The following AHRR variants were observed in gnomAD, a reference collection of about 807,000 sequenced individuals.
AHRR encodes the protein ahR repressor.
In AHRR, 28 loss-of-function variants were observed where a neutral mutation model predicts 44.0. The ratio of observed to expected loss-of-function variants is 0.64; its 90% CI spans 0.47 to 0.87. The LOEUF is 0.87. AHRR is among the 40% of genes least tolerant of loss of function. The pLI, the probability that AHRR is intolerant of heterozygous loss-of-function variation, is 0.00. For missense variants in AHRR, 990 were observed against 953.9 expected (o/e 1.04, Z -0.50); for synonymous variants, 434 against 407.0 (o/e 1.07, Z -0.80).
intron 4 of AHRR, among the ~76,000 whole-genome samples, chr5:390,818 A>G (rs944367700): frequency 4.0e-4 from 61 of 152,200 alleles, no homozygotes; most frequent in Admixed American, 4.0e-3. Context: ...ATCCAGAGAC[A>G]GAGACCTGGA....
At chr5:374,703 C>T (rs1456920024) in intron 3 of AHRR, among the ~76,000 whole-genome samples, 1 of 152,264 alleles carries the variant, frequency 6.6e-6, no homozygotes, top group Non-Finnish European at 1.5e-5. Context: ...GTGCCACCGT[C>T]TCCGGGCTTC....
At position 432,906 on chromosome 5, in the gene AHRR, G is replaced by C. The variant is rs771991006; in HGVS notation, c.1071G>C (p.Arg357=). Residue 357 remains arginine, a synonymous_variant, in exon 10 of 11, where the codon CGG becomes CGC. Transcript: ENST00000684583. ...VPARAPCLCL[R]GGPDLVLDPK... ...CCAGGGCCCCATGCCTGTGCCTCCGGGGTGGCCCTGACCTTGTCCTTGACC... is the reference window on the plus strand; with the variant it reads ...CCAGGGCCCCATGCCTGTGCCTCCGCGGTGGCCCTGACCTTGTCCTTGACC... The C allele has an allele frequency of 1.2e-6, 2 of 1,613,330 alleles. No individual in the cohort carries two copies. Among genetic ancestry groups the C allele is most frequent in the Admixed American group, 3.3e-5 (2 of 59,990 alleles).
chr5:343,828 G>A (rs1388366197), intron 1 of AHRR, 65 bp from the exon 2 acceptor site: 14 of 1,516,372 alleles, frequency 9.2e-6, no homozygotes, highest in Non-Finnish European at 1.2e-5. Context: ...GGGGCCCGGG[G>A]CATCGCGGCG....
At chr5:415,859 G>A (rs900676781) in intron 5 of AHRR, among the ~76,000 whole-genome samples, 3 of 152,196 alleles carry the variant, frequency 2.0e-5, no homozygotes, top group Admixed American at 6.5e-5. Context: ...TTCCATAAGA[G>A]CTGGGCTTTT....
chr5:364,857 A>G (rs1743302935), intron 3 of AHRR, among the ~76,000 whole-genome samples: 2 of 152,208 alleles, frequency 1.3e-5, no homozygotes, highest in African/African-American at 2.4e-5. Context: ...ATATTAATGT[A>G]AAAAAATTGA....
chr5:433,049 G>A, intron 10 of AHRR, 102 bp downstream of exon 10: 1 of 1,331,136 alleles, frequency 7.5e-7, no homozygotes, highest in Non-Finnish European at 1.0e-6. Flanking sequence ...AAATAAAAAA[G>A]ACGACAGCAG....
intron 8 of AHRR, among the ~76,000 whole-genome samples, chr5:428,960 A>G (rs1736594042): frequency 6.6e-6 from 1 of 152,204 alleles, no homozygotes; most frequent in African/African-American, 2.4e-5. Context: ...GGCTGTAAAT[A>G]TAGATGAAGC....
At chr5:343,789 C>T (rs1742455559) in intron 1 of AHRR, 104 bp from the exon 2 acceptor site, 2 of 1,201,316 alleles carry the variant, frequency 1.7e-6, no homozygotes, top group South Asian at 1.4e-5. Flanking sequence ...CGCGGGGTCG[C>T]GGGTGTGGGG....
rs1042685314 is a variant in AHRR, at chr5:342,073, A to T, written c.-10-1820A>T. Among the ~76,000 whole-genome samples the T allele has an allele frequency of 6.2e-5, 9 of 144,792 alleles. No homozygotes were observed. Among genetic ancestry groups the T allele is most frequent in the Admixed American group, 2.8e-4 (4 of 14,538 alleles). The allele number at this position is 144,792 out of a possible 152,430, so 95.0% of individuals were successfully genotyped here. On this transcript the variant is annotated intron_variant, in intron 1 of 10. Transcript: ENST00000684583. This position sits in a 1 kb window ranked among gnomAD's most constrained non-coding sequence, Gnocchi z 4.3. ...ATAACATACTTTGATTTCTGTTTTT[A>T]AAAAAATTGTTAAGGATAGTTTTAA... is the stretch of plus-strand genomic sequence containing the variant.
chr5:399,037 G>A (rs1262269475), intron 4 of AHRR, among the ~76,000 whole-genome samples: 2 of 152,268 alleles, frequency 1.3e-5, no homozygotes, highest in Non-Finnish European at 2.9e-5. Flanking sequence ...CCCTGCCATT[G>A]GTTTCCTACC....
chr5:389,192 C>CGGGGGGGGGGG (rs1734299931), intron 4 of AHRR, among the ~76,000 whole-genome samples: 1 of 66,074 alleles, frequency 1.5e-5, no homozygotes, highest in African/African-American at 6.5e-5. Flanking sequence ...GTGGGGGTGT[C>CGGGGGGGGGGG]GAAGGCGGGG....
intron 4 of AHRR, chr5:403,932 T>C (rs1341251134): frequency 1.3e-6 from 2 of 1,530,392 alleles, no homozygotes; most frequent in Non-Finnish European, 9.0e-7. Context: ...TCTGGAGTAT[T>C]TGATGAAATA....
At position 434,694 on chromosome 5, in the gene AHRR, G is replaced by A. The variant is rs368577708; in HGVS notation, c.1954G>A (p.Ala652Thr). 70 of 1,572,548 alleles carry A rather than the reference G, an allele frequency of 4.5e-5. No individual in the cohort carries two copies. In the African/African-American group the frequency reaches 5.0e-4, roughly 11 times the overall value. ...CTGCACCTGCAGAGCTGCTGAGGCC[G>A]CCCCTGTGGTCAAGCGGGAGCCCTT... ...QSCTCRAAEAAPVVKREPLDS... is the reference protein window; with the variant it reads ...QSCTCRAAEATPVVKREPLDS... Residue 652 changes from alanine (A) to threonine (T), a missense_variant, in exon 11 of 11, where the codon GCC (alanine) becomes ACC (threonine). Ala to Thr is a moderately conservative substitution (Grantham distance 58). Transcript: ENST00000684583.
intron 3 of AHRR, among the ~76,000 whole-genome samples, chr5:364,099 A>G (rs1031137729): frequency 6.6e-5 from 10 of 152,242 alleles, no homozygotes; most frequent in Non-Finnish European, 1.3e-4. Flanking sequence ...CCTTCTACTG[A>G]TAACAGCCAA....
chr5:376,497 T>G (rs1733652648), intron 3 of AHRR, 113 bp from the exon 4 acceptor site: 8 of 50,212 alleles, frequency 1.6e-4, no homozygotes, highest in Admixed American at 4.9e-4. Context: ...CCAGGCCAGA[T>G]GTCAGGTGAG....
At chr5:362,200 G>T (rs1215654515) in intron 3 of AHRR, among the ~76,000 whole-genome samples, 5 of 152,350 alleles carry the variant, frequency 3.3e-5, no homozygotes, top group South Asian at 2.1e-4. Flanking sequence ...AAATTCATGT[G>T]AAGATGCAGT....
Position 387,057 on chromosome 5 carries a change from CCT to C in AHRR, c.351+10344_351+10345del, listed in dbSNP as rs1314800430. Among the ~76,000 whole-genome samples the C allele has an allele frequency of 6.6e-6, 1 of 152,258 alleles. No individual in the cohort carries two copies. Among genetic ancestry groups the C allele is most frequent in the East Asian group, 1.9e-4 (1 of 5,196 alleles). ...TTCCATATCCGTTTGATTGTCAAAG[CCT>C]CTGCTGCACGGGGTGGGTCTGCCCC... On this transcript the variant is annotated intron_variant, in intron 4 of 10. Transcript: ENST00000684583. This position sits in a 1 kb window ranked among gnomAD's most constrained non-coding sequence, Gnocchi z 5.1.
chr5:343,891 A>G lies in AHRR; in HGVS notation c.-10-2A>G. 5 of 1,598,008 alleles carry G rather than the reference A, an allele frequency of 3.1e-6. No homozygotes were observed. Among genetic ancestry groups the G allele is most frequent in the Non-Finnish European group, 4.3e-6 (5 of 1,173,388 alleles). On this transcript the variant is annotated splice_acceptor_variant, in intron 1 of 10. Coordinates refer to ENST00000684583, the MANE Select transcript of AHRR (RefSeq NM_001377236.1). LOFTEE classifies it low-confidence loss of function (5UTR_SPLICE). ...GTGACCGGGTGCCCCCTTGTCTTCC[A>G]GGCCGAGGACGATGATCCCGCCGGG...
intron 2 of AHRR, 126 bp downstream of exon 2, chr5:344,090 C>A (rs1349456388): frequency 9.7e-7 from 1 of 1,034,712 alleles, no homozygotes; most frequent in Non-Finnish European, 1.4e-6. Context: ...CCGGGCGGGC[C>A]GGGGCTGAGC....
Sources: allele counts gnomAD v4.1 joint callset (sites outside exome capture counted in the v4.1 genomes callset), GRCh38; gene constraint gnomAD v4.1.1; non-coding constraint Gnocchi (gnomAD v3.1); transcripts MANE v1.5; gene names NCBI Gene and HGNC (gene_info 2026-07-23, HGNC 2026-07-21).